The following PJVK variants were observed in gnomAD, a reference collection of about 807,000 sequenced individuals.
PJVK encodes pejvakin.
In PJVK, 33 loss-of-function variants were observed where a neutral mutation model predicts 37.6. The observed-to-expected ratio is 0.88, with a 90% CI of 0.67 to 1.17. The LOEUF (loss-of-function observed/expected upper bound fraction) is 1.17, where lower values mean the gene tolerates loss of function less well. PJVK is among the 50% of genes most tolerant of loss of function. PJVK has a pLI of 0.00. For synonymous variants in PJVK, 141 were observed against 143.5 expected (o/e 0.98, Z 0.13); for missense variants, 410 against 413.8 (o/e 0.99, Z 0.08).
intron 3 of PJVK, chr2:178,455,186 G>A (rs368289838): frequency 4.0e-5 from 64 of 1,590,804 alleles, no homozygotes; most frequent in Non-Finnish European, 5.1e-5. Flanking sequence ...CAAGAAGATG[G>A]AGTGGTGGAG....
chr2:178,452,411 T>C (rs1697739298), intron 1 of PJVK: 1 of 985,366 alleles, frequency 1.0e-6, no homozygotes, highest in African/African-American at 1.7e-5. Context: ...ATGCTTTAAT[T>C]AGAGCCTATT....
At chr2:178,458,166 G>T (rs1000415039) in intron 4 of PJVK, among the ~76,000 whole-genome samples, 4 of 151,944 alleles carry the variant, frequency 2.6e-5, no homozygotes, top group African/African-American at 9.7e-5. Flanking sequence ...TGGTAGACAG[G>T]CTAGGCTGAA....
At chr2:178,456,225 A>G (rs1684072841) in intron 4 of PJVK, 74 bp downstream of exon 4, 20 of 1,552,096 alleles carry the variant, frequency 1.3e-5, no homozygotes, top group Non-Finnish European at 1.8e-5. Context: ...TTGAATTTCT[A>G]GTCAGGCTTG....
rs774008843 is a variant in PJVK, at chr2:178,454,478, A to G, written c.358A>G (p.Thr120Ala). The change falls in exon 3 of 7, where the codon ACC (threonine) becomes GCC (alanine). Residue 120 changes from threonine to alanine, a missense_variant. Physicochemically the swap from Thr to Ala is moderately conservative, Grantham distance 58. Coordinates refer to ENST00000644580, the MANE Select transcript of PJVK (RefSeq NM_001042702.5). ...IAVKASFGIV[T>A]KHEVEVSTLL... is the part of the protein sequence containing the mutation. The stretch of plus-strand genomic sequence containing the variant: ...AGTGAAAGCTTCATTTGGTATAGTA[A>G]CCAAACATGAAGTGGAAGTATCAAC... 1.2e-6 allele frequency: 2 copies of G among 1,613,890 alleles called. No homozygotes were observed. Among genetic ancestry groups the G allele is most frequent in the Non-Finnish European group, 1.7e-6 (2 of 1,179,952 alleles).
intron 2 of PJVK, 122 bp downstream of exon 2, chr2:178,453,742 A>T (rs1697864463): frequency 1.2e-6 from 1 of 805,768 alleles, no homozygotes; most frequent in East Asian, 2.7e-5. Context: ...AACTTTTATT[A>T]TGATGTTAGT....
In PJVK at chr2:178,460,300, A is replaced by T. The variant is rs1426681191; in HGVS notation, c.668-48A>T. 8 of 1,448,424 alleles carry T rather than the reference A, an allele frequency of 5.5e-6. No individual in the cohort carries two copies. In the South Asian group the frequency reaches 9.2e-5, roughly 17 times the overall value. 89.7% of individuals were successfully genotyped at this position (1,448,424 alleles called of 1,614,324 possible). On this transcript the variant is annotated intron_variant, in intron 5 of 6. Coordinates refer to ENST00000644580, the MANE Select transcript of PJVK (RefSeq NM_001042702.5). Reference sequence around the variant, plus strand: ...AATTCATCACCCCATCAAACAATAAAATATGAATTATTCAAGTTATAACAT... The same window carrying T: ...AATTCATCACCCCATCAAACAATAATATATGAATTATTCAAGTTATAACAT...
chr2:178,455,494 T>C, intron 3 of PJVK: 1 of 971,192 alleles, frequency 1.0e-6, no homozygotes. Flanking sequence ...TTTCCCACTC[T>C]TCTCTGGGAC....
intron 6 of PJVK, 80 bp downstream of exon 6, chr2:178,460,526 C>T (rs1218663000): frequency 5.4e-6 from 7 of 1,306,186 alleles, no homozygotes; most frequent in Non-Finnish European, 6.5e-6. Flanking sequence ...ATTCAGTAAT[C>T]TCATCTGTTA....
chr2:178,457,083 C>T (rs927560393), intron 4 of PJVK, among the ~76,000 whole-genome samples: 1 of 152,120 alleles, frequency 6.6e-6, no homozygotes, highest in African/African-American at 2.4e-5. Flanking sequence ...ATTCTTCTGC[C>T]TCAGCCTCCC....
chr2:178,460,994 T>G lies in PJVK; in HGVS notation c.779T>G (p.Met260Arg). ...NILFERNRRV[M>R]DVISRSQLYL... ...TTTGTCCTTTTAGATAGAAGAGTGATGGATGTCATTTCTCGTTCACAGCTT... is the reference window on the plus strand; with the variant it reads ...TTTGTCCTTTTAGATAGAAGAGTGAGGGATGTCATTTCTCGTTCACAGCTT... Residue 260 changes from methionine (M) to arginine (R), a missense_variant, in exon 7 of 7, where the codon ATG becomes AGG. Coordinates refer to ENST00000644580, the MANE Select transcript of PJVK (RefSeq NM_001042702.5). The G allele has an allele frequency of 1.2e-6, 2 of 1,613,932 alleles. No homozygotes were observed. Among genetic ancestry groups the G allele is most frequent in the Non-Finnish European group, 1.7e-6 (2 of 1,180,002 alleles).
chr2:178,457,588 T>A (rs75932439), intron 4 of PJVK, among the ~76,000 whole-genome samples: 54,672 of 152,064 alleles, frequency 0.36, 11,162 homozygotes, highest in East Asian at 0.65. Flanking sequence ...AAGCCGTGCT[T>A]TTGTGCTGGG....
At position 178,461,319 on chromosome 2, in the gene PJVK, G is replaced by A; in HGVS notation, c.*45G>A. The A allele has an allele frequency of 5.6e-6, 9 of 1,603,078 alleles. No individual in the cohort carries two copies. Among genetic ancestry groups the A allele is most frequent in the Non-Finnish European group, 7.7e-6 (9 of 1,172,942 alleles). On this transcript the variant is annotated 3_prime_UTR_variant, in exon 7 of 7. Transcript: ENST00000644580. ...GTGTTGGTGTTTTAGGTGCAGTTGTGCCACAAACCTTCCCTAAATTATCTA... is the reference window on the plus strand; with the variant it reads ...GTGTTGGTGTTTTAGGTGCAGTTGTACCACAAACCTTCCCTAAATTATCTA...
In PJVK at chr2:178,454,355, A is replaced by C; in HGVS notation, c.235A>C (p.Asn79His). Reference sequence around the variant, plus strand: ...AGGTATTTCATCTTATCAATTACTGAATTATGAAGATGAATCAGATGTTTC... The same window carrying C: ...AGGTATTTCATCTTATCAATTACTGCATTATGAAGATGAATCAGATGTTTC... ...SAGISSYQLLNYEDESDVSLY... is the reference protein window; with the variant it reads ...SAGISSYQLLHYEDESDVSLY... Residue 79 changes from asparagine to histidine, a missense_variant, in exon 3 of 7, where the codon AAT becomes CAT. Asn to His is a moderately conservative substitution (Grantham distance 68, BLOSUM62 1). Transcript: ENST00000644580. The C allele has an allele frequency of 6.2e-7, 1 of 1,613,436 alleles. No individual in the cohort carries two copies. Among genetic ancestry groups the C allele is most frequent in the South Asian group, 1.1e-5 (1 of 90,886 alleles).
chr2:178,454,403 C>A lies in PJVK; in HGVS notation c.283C>A (p.His95Asn). ...TTCACTCTATGGAAGGCGAGGTAAC[C>A]ATATTGTAAATGACGTTGGGATTAA... ...DVSLYGRRGNHIVNDVGINVA... is the reference protein window; with the variant it reads ...DVSLYGRRGNNIVNDVGINVA... The change falls in exon 3 of 7, where the codon CAT becomes AAT. Residue 95 changes from histidine to asparagine, a missense_variant. Coordinates refer to ENST00000644580, the MANE Select transcript of PJVK (RefSeq NM_001042702.5). 5.0e-6 allele frequency: 8 copies of A among 1,613,834 alleles called. No homozygotes were observed. The highest frequency in any genetic ancestry group is 6.8e-6 in the Non-Finnish European group (8 of 1,179,906).
intron 1 of PJVK, chr2:178,452,988 G>C (rs916641062): frequency 1.4e-5 from 3 of 214,488 alleles, no homozygotes; most frequent in African/African-American, 2.3e-5. Flanking sequence ...GTCCACTGTA[G>C]ATTGTATCCG....
At position 178,458,565 on chromosome 2, in the gene PJVK, C is replaced by G; in HGVS notation, c.605C>G (p.Pro202Arg). 6.2e-7 allele frequency: 1 copy of G among 1,614,010 alleles called. No individual in the cohort carries two copies. Among genetic ancestry groups the G allele is most frequent in the Non-Finnish European group, 8.5e-7 (1 of 1,179,964 alleles). The change falls in exon 5 of 7, where the codon CCA becomes CGA. Residue 202 changes from proline (P) to arginine (R), a missense_variant. Physicochemically the swap from Pro to Arg is moderately radical, Grantham distance 103. Transcript: ENST00000644580. ...PKGRDKAIVF[P>R]AHTTIAFSVF... ...GGAAGGGACAAAGCTATTGTTTTCC[C>G]AGCACATACAACCATAGCTTTCAGT...
chr2:178,455,131 G>C, intron 3 of PJVK: 3 of 1,601,026 alleles, frequency 1.9e-6, no homozygotes, highest in Non-Finnish European at 2.6e-6. Flanking sequence ...AGAGCTCGTG[G>C]CTCATTGAGG....
intron 6 of PJVK, 66 bp from the exon 7 acceptor site, chr2:178,460,916 C>G: frequency 9.3e-5 from 82 of 879,732 alleles, no homozygotes; most frequent in Non-Finnish European, 1.3e-4. Context: ...TTTATTAATG[C>G]TGTTTGCATT....
rs748606745 is a variant in PJVK at position 178,453,388 on chromosome 2, T to C, written c.-22T>C. 2.0e-5 allele frequency: 32 copies of C among 1,613,714 alleles called. No homozygotes were observed. In the Admixed American group the frequency reaches 2.3e-4, roughly 12 times the overall value. On this transcript the variant is annotated splice_region_variant and 5_prime_UTR_variant, in exon 2 of 7. Transcript: ENST00000644580. ...AAATGGATTTATCTGGGGGTTGCAG[T>C]TGATGACGTTTTGATTTTAATATGT...
Sources: allele counts gnomAD v4.1 joint callset (sites outside exome capture counted in the v4.1 genomes callset), GRCh38; gene constraint gnomAD v4.1.1; transcripts MANE v1.5; gene names NCBI Gene and HGNC (gene_info 2026-07-23, HGNC 2026-07-21).